Variants in EIF4G3 observed in about 807,000 individuals in gnomAD.
The protein encoded by EIF4G3 is eukaryotic translation initiation factor 4 gamma 3.
A neutral mutation model predicts 186.4 loss-of-function variants in EIF4G3; 34 were observed. The ratio of observed to expected loss-of-function variants is 0.18; its 90% CI spans 0.14 to 0.24. The LOEUF (loss-of-function observed/expected upper bound fraction) is 0.24. Ranked by LOEUF, EIF4G3 falls within the 10% of genes least tolerant of loss-of-function variation. The pLI, the probability that EIF4G3 is intolerant of heterozygous loss-of-function variation, is 1.00. For missense variants in EIF4G3, 1,536 were observed against 1,948.5 expected (o/e 0.79, Z 3.99); for synonymous variants, 673 against 679.5 (o/e 0.99, Z 0.15).
intron 36 of EIF4G3, among the ~76,000 whole-genome samples, chr1:20,809,037 G>A (rs1300821306): frequency 6.6e-6 from 1 of 151,738 alleles, no homozygotes; most frequent in African/African-American, 2.4e-5. Flanking sequence ...GCAGTGGCAT[G>A]ATCTCGGCTC....
At chr1:20,941,169 G>A (rs1573213192) in intron 14 of EIF4G3, 7 of 1,454,312 alleles carry the variant, frequency 4.8e-6, no homozygotes, top group Non-Finnish European at 6.4e-6. Context: ...CCCCAAAGCA[G>A]CAAAATTAAG....
chr1:20,891,908 T>C (rs2154555618), intron 18 of EIF4G3, among the ~76,000 whole-genome samples: 1 of 152,320 alleles, frequency 6.6e-6, no homozygotes, highest in Non-Finnish European at 1.5e-5. Context: ...TAGATAAATG[T>C]GTGAGAAACA....
At chr1:20,952,222 T>G (rs1406703455) in intron 12 of EIF4G3, among the ~76,000 whole-genome samples, 1 of 151,222 alleles carries the variant, frequency 6.6e-6, no homozygotes, top group Non-Finnish European at 1.5e-5. Flanking sequence ...TGGCACAACC[T>G]TGGCTTACTG....
intron 4 of EIF4G3, among the ~76,000 whole-genome samples, chr1:21,015,171 T>C (rs1010812574): frequency 2.6e-5 from 4 of 151,784 alleles, no homozygotes; most frequent in African/African-American, 9.7e-5. Flanking sequence ...CAGTCTCTAA[T>C]AACAGAACAA....
intron 2 of EIF4G3, among the ~76,000 whole-genome samples, chr1:21,122,943 A>T (rs1394175757): frequency 6.6e-6 from 1 of 152,188 alleles, no homozygotes; most frequent in East Asian, 1.9e-4. Context: ...TATTAGGGCA[A>T]AATTACACGG....
At chr1:21,125,978 A>G (rs972218140) in intron 2 of EIF4G3, among the ~76,000 whole-genome samples, 5 of 151,286 alleles carry the variant, frequency 3.3e-5, no homozygotes, top group Admixed American at 6.6e-5. Context: ...CCAAGGAGGG[A>G]GGATCACTTG....
chr1:20,901,383 CATTT>C (rs1228153872), intron 15 of EIF4G3, among the ~76,000 whole-genome samples: 1 of 152,084 alleles, frequency 6.6e-6, no homozygotes, highest in Non-Finnish European at 1.5e-5. Context: ...ATCAAGAAGA[CATTT>C]AATAATCTGA....
intron 20 of EIF4G3, among the ~76,000 whole-genome samples, chr1:20,875,068 T>A (rs950815203): frequency 4.6e-5 from 7 of 152,178 alleles, no homozygotes; most frequent in Non-Finnish European, 1.0e-4. Context: ...AGCCGTGACC[T>A]CCTGGACTCA....
chr1:21,083,962 A>G (rs2095874096), intron 3 of EIF4G3, among the ~76,000 whole-genome samples: 1 of 152,086 alleles, frequency 6.6e-6, no homozygotes, highest in South Asian at 2.1e-4. Flanking sequence ...TTTCTCTCAC[A>G]TCCCACATCC....
intron 4 of EIF4G3, among the ~76,000 whole-genome samples, chr1:21,036,896 T>C (rs2093252999): frequency 6.6e-6 from 1 of 151,926 alleles, no homozygotes; most frequent in Admixed American, 6.6e-5. Flanking sequence ...AATAATAAAA[T>C]AAAAGCTTAT....
At chr1:20,911,263 G>A (rs1057391755) in intron 14 of EIF4G3, among the ~76,000 whole-genome samples, 2 of 152,000 alleles carry the variant, frequency 1.3e-5, no homozygotes, top group Admixed American at 6.6e-5. Flanking sequence ...ATCATTCCAC[G>A]TAGGTTAAAA....
At chr1:20,864,790 A>ACCCCAT in intron 21 of EIF4G3, 78 bp from the exon 22 acceptor site, 1 of 1,200,796 alleles carries the variant, frequency 8.3e-7, no homozygotes, top group Non-Finnish European at 1.2e-6. Flanking sequence ...TCATGGGGTC[A>ACCCCAT]GAATCCCCGT....
intron 2 of EIF4G3, among the ~76,000 whole-genome samples, chr1:21,110,690 CAA>C (rs2096709562): frequency 6.6e-6 from 1 of 152,126 alleles, no homozygotes; most frequent in South Asian, 2.1e-4. Flanking sequence ...CTCAGCCTCC[CAA>C]AGTGCTTGGG....
At chr1:20,862,137 A>T in intron 23 of EIF4G3, 91 bp downstream of exon 23, 1 of 751,110 alleles carries the variant, frequency 1.3e-6, no homozygotes, top group Non-Finnish European at 2.1e-6. Context: ...CACTATCTTT[A>T]CACATGTAAA....
At chr1:21,153,190 C>T (rs565848782) in intron 2 of EIF4G3, among the ~76,000 whole-genome samples, 1 of 152,144 alleles carries the variant, frequency 6.6e-6, no homozygotes, top group Non-Finnish European at 1.5e-5. Context: ...CTTTCGGCCA[C>T]TTTCAGGATG....
In EIF4G3 at chr1:20,979,122, CTTA is replaced by C. The variant is rs561426251; in HGVS notation, c.493+1209_493+1211del. ...TTTCTAGTATCTACTAATTTTATCC[CTTA>C]TTATTCACCTTCCATGGAATAAGAG... On this transcript the variant is annotated intron_variant, in intron 10 of 36. Coordinates refer to ENST00000602326, the MANE Select transcript of EIF4G3 (RefSeq NM_001391906.1). Among the ~76,000 whole-genome samples, 4 of 152,224 alleles carry C rather than the reference CTTA, an allele frequency of 2.6e-5. No homozygotes were observed. In the East Asian group the frequency reaches 7.7e-4, roughly 29 times the overall value.
intron 2 of EIF4G3, among the ~76,000 whole-genome samples, chr1:21,162,766 T>A (rs1358382486): frequency 1.3e-5 from 2 of 151,852 alleles, no homozygotes; most frequent in African/African-American, 4.8e-5. Flanking sequence ...AATAAATAAA[T>A]AAAAAGATTC....
chr1:20,830,184 G>A (rs1290741101), intron 30 of EIF4G3, among the ~76,000 whole-genome samples: 3 of 152,126 alleles, frequency 2.0e-5, no homozygotes, highest in African/African-American at 4.8e-5. Flanking sequence ...ATTGTAAAAC[G>A]TGTGCTTTTC....
rs188824689 is a variant in EIF4G3, at chr1:20,893,419, G to T, written c.2253+98C>A. On this transcript the variant is annotated intron_variant, in intron 18 of 36. Coordinates refer to ENST00000602326, the MANE Select transcript of EIF4G3 (RefSeq NM_001391906.1). ...TGCCTCTTCTTCTTCTTCTTGACTA[G>T]AATCAACGAATAAAAGCTGCTGTCT... The T allele has an allele frequency of 5.5e-4, 702 of 1,269,758 alleles. 6 individuals carry two copies. The highest frequency in any genetic ancestry group is 1.1e-5 in the Non-Finnish European group (10 of 936,578). 78.7% of individuals were successfully genotyped at this position (1,269,758 alleles called of 1,614,324 possible).
Sources: gnomAD v4.1 joint callset for allele counts (sites outside exome capture counted in the v4.1 genomes callset) on GRCh38, gnomAD v4.1.1 for gene constraint, MANE v1.5 for transcripts, NCBI Gene and HGNC (gene_info 2026-07-23, HGNC 2026-07-21) for gene names.